The following ERC2 variants were observed in gnomAD, a reference collection of about 807,000 sequenced individuals.
ERC2 encodes the protein ERC protein 2.
In ERC2, 42 loss-of-function variants were observed where a neutral mutation model predicts 114.8. That is an observed-to-expected ratio of 0.37 (90% CI 0.29 to 0.47). ERC2 has a LOEUF of 0.47. Among genes scored for constraint, ERC2 ranks in the 20% least tolerant of loss-of-function variants. The pLI is 0.99. For missense variants in ERC2, 939 were observed against 1,150.7 expected, an observed-to-expected ratio of 0.82 and a Z score of 2.66; for synonymous variants, 454 against 425.5, an observed-to-expected ratio of 1.07 and a Z score of -0.82.
intron 6 of ERC2, among the ~76,000 whole-genome samples, chr3:56,116,406 C>G (rs2079237602): frequency 6.6e-6 from 1 of 152,130 alleles, no homozygotes; most frequent in Non-Finnish European, 1.5e-5. Flanking sequence ...AATGCAGAGT[C>G]AAGGCATTTT....
intron 3 of ERC2, among the ~76,000 whole-genome samples, chr3:56,194,957 C>T (rs897145894): frequency 1.3e-5 from 2 of 152,070 alleles, no homozygotes; most frequent in Non-Finnish European, 2.9e-5. Flanking sequence ...TATTCTAATA[C>T]CTCCAATAGA....
chr3:55,972,222 A>G (rs564466848), intron 12 of ERC2, among the ~76,000 whole-genome samples: 1 of 152,224 alleles, frequency 6.6e-6, no homozygotes, highest in Non-Finnish European at 1.5e-5. Flanking sequence ...AGGGAGAAAC[A>G]TGGAGCTGGG....
chr3:55,804,570 G>A (rs989566598), intron 14 of ERC2, among the ~76,000 whole-genome samples: 3 of 152,106 alleles, frequency 2.0e-5, no homozygotes, highest in Non-Finnish European at 4.4e-5. Context: ...AGAGAACTGA[G>A]GTTCAGCGAA....
At chr3:56,375,270 T>C (rs950523245) in intron 2 of ERC2, among the ~76,000 whole-genome samples, 2 of 152,160 alleles carry the variant, frequency 1.3e-5, no homozygotes, top group African/African-American at 4.8e-5. Flanking sequence ...GGAAATTAGA[T>C]ACAGTGAACC....
intron 2 of ERC2, among the ~76,000 whole-genome samples, chr3:56,343,906 C>T (rs985340263): frequency 3.9e-5 from 6 of 152,144 alleles, no homozygotes; most frequent in South Asian, 4.1e-4. Context: ...CACAATATAA[C>T]GCTAGACTAA....
At chr3:56,460,014 G>A (rs925232084) in intron 1 of ERC2, among the ~76,000 whole-genome samples, 1 of 152,184 alleles carries the variant, frequency 6.6e-6, no homozygotes, top group Admixed American at 6.5e-5. Flanking sequence ...TTTGAGGCAC[G>A]CCCTGGGAAT....
chr3:56,381,344 A>G (rs1383901068), intron 2 of ERC2, among the ~76,000 whole-genome samples: 2 of 152,178 alleles, frequency 1.3e-5, no homozygotes, highest in African/African-American at 2.4e-5. Context: ...CCCCCTATGC[A>G]TAACAAAATT....
intron 5 of ERC2, among the ~76,000 whole-genome samples, chr3:56,140,656 T>C (rs1314324733): frequency 6.6e-6 from 1 of 152,150 alleles, no homozygotes. Flanking sequence ...TATAACCTAG[T>C]TCACATAGCA....
At chr3:55,950,207 T>G (rs2067403970) in intron 13 of ERC2, among the ~76,000 whole-genome samples, 1 of 152,228 alleles carries the variant, frequency 6.6e-6, no homozygotes, top group Non-Finnish European at 1.5e-5. Flanking sequence ...GACTCTGCCT[T>G]GTATTTCCAG....
At chr3:55,799,423 C>CATATATATAT (rs1171224151) in intron 14 of ERC2, among the ~76,000 whole-genome samples, 11 of 110,544 alleles carry the variant, frequency 1.0e-4, no homozygotes, top group African/African-American at 4.7e-4. Context: ...TATATATATG[C>CATATATATAT]ATATATATAT....
intron 3 of ERC2, among the ~76,000 whole-genome samples, chr3:56,183,101 T>C (rs1325436937): frequency 6.6e-6 from 1 of 152,170 alleles, no homozygotes; most frequent in African/African-American, 2.4e-5. Flanking sequence ...GAACTTTGGA[T>C]CCAATAACCT....
chr3:55,624,301 G>A (rs891123087), intron 17 of ERC2, among the ~76,000 whole-genome samples: 10 of 152,210 alleles, frequency 6.6e-5, no homozygotes, highest in East Asian at 3.8e-4. Flanking sequence ...GGGCCCATGC[G>A]GGAGGAATGT....
chr3:55,830,031 A>C (rs1327677162), intron 14 of ERC2, among the ~76,000 whole-genome samples: 1 of 152,220 alleles, frequency 6.6e-6, no homozygotes, highest in East Asian at 1.9e-4. Flanking sequence ...TCCAAATCAA[A>C]CTGCTAAAAA....
At chr3:56,281,721 T>C (rs1377775879) in intron 3 of ERC2, among the ~76,000 whole-genome samples, 1 of 152,200 alleles carries the variant, frequency 6.6e-6, no homozygotes, top group Non-Finnish European at 1.5e-5. Context: ...ATTTAACATG[T>C]ATTACATTTA....
intron 6 of ERC2, among the ~76,000 whole-genome samples, chr3:56,108,565 AAACTT>A (rs2078791651): frequency 6.6e-6 from 1 of 152,174 alleles, no homozygotes; most frequent in South Asian, 2.1e-4. Context: ...ACTTAGGAAT[AAACTT>A]AATAAGCATC....
At chr3:55,590,436 C>T (rs4955813) in intron 17 of ERC2, among the ~76,000 whole-genome samples, 75,415 of 152,070 alleles carry the variant, frequency 0.5, 18,972 homozygotes, top group Admixed American at 0.56. Context: ...CCAGAATGTA[C>T]AGTGAAACAT....
Position 55,849,402 on chromosome 3 carries a change from G to A in ERC2, c.2564+38987C>T, listed in dbSNP as rs143071321. Among the ~76,000 whole-genome samples, 7 of 152,240 alleles carry A rather than the reference G, an allele frequency of 4.6e-5. No homozygotes were observed. In the East Asian group the frequency reaches 1.4e-3, roughly 29 times the overall value. ...CCAGCTGAAGCATCATCTATACCCT[G>A]GACCTGTGGTTTCTCTAAGCTTCTA... is the stretch of plus-strand genomic sequence containing the variant. On this transcript the variant is annotated intron_variant, in intron 14 of 17. Coordinates refer to ENST00000288221, the MANE Select transcript of ERC2 (RefSeq NM_015576.3).
At chr3:56,359,157 G>A (rs1234223107) in intron 2 of ERC2, among the ~76,000 whole-genome samples, 1 of 152,230 alleles carries the variant, frequency 6.6e-6, no homozygotes, top group Non-Finnish European at 1.5e-5. Flanking sequence ...CATGCCTCAT[G>A]TATCTAACCA....
intron 14 of ERC2, among the ~76,000 whole-genome samples, chr3:55,869,101 A>G (rs1227110282): frequency 6.6e-6 from 1 of 152,168 alleles, no homozygotes. Flanking sequence ...ACAGTTGACC[A>G]ATGTGAATGT....
Sources: gnomAD v4.1 joint callset for allele counts (sites outside exome capture counted in the v4.1 genomes callset) on GRCh38, gnomAD v4.1.1 for gene constraint, MANE v1.5 for transcripts, NCBI Gene and HGNC (gene_info 2026-07-23, HGNC 2026-07-21) for gene names.